The following TRIM24 variants were observed in gnomAD, a reference collection of about 807,000 sequenced individuals.
TRIM24 encodes tripartite motif containing 24, also known as transcription intermediary factor 1-alpha.
In TRIM24, 29 loss-of-function variants were observed where a neutral mutation model predicts 123.9. That is an observed-to-expected ratio of 0.23 (90% CI 0.17 to 0.32). TRIM24 has a LOEUF of 0.32. Among genes scored for constraint, TRIM24 ranks in the 10% least tolerant of loss-of-function variants. TRIM24 has a pLI of 1.00. For synonymous variants in TRIM24, 456 were observed against 461.1 expected, an observed-to-expected ratio of 0.99 and a Z score of 0.14; for missense variants, 932 against 1,295.3, an observed-to-expected ratio of 0.72 and a Z score of 4.31.
rs1798017282 is a variant in TRIM24 at position 138,586,228 on chromosome 7, A to G, written c.*1277A>G. On this transcript the variant is annotated 3_prime_UTR_variant, in exon 19 of 19. Coordinates refer to ENST00000343526, the MANE Select transcript of TRIM24 (RefSeq NM_015905.3). ...AAATTGCTGTGCCATACATTAATCCAGCATTTGACACAATATCTAAATGGT... is the reference window on the plus strand; with the variant it reads ...AAATTGCTGTGCCATACATTAATCCGGCATTTGACACAATATCTAAATGGT... 1 of 192,632 alleles carries G rather than the reference A, an allele frequency of 5.2e-6. No individual in the cohort carries two copies. The highest frequency in any genetic ancestry group is 1.1e-5 in the Non-Finnish European group (1 of 92,016). 11.9% of individuals were successfully genotyped at this position (192,632 alleles called of 1,614,324 possible).
At chr7:138,533,499 T>G (rs193273500) in intron 6 of TRIM24, among the ~76,000 whole-genome samples, 533 of 152,338 alleles carry the variant, frequency 3.5e-3, no homozygotes, top group African/African-American at 0.012. Context: ...TTGGTTCTGT[T>G]TATATGCTGG....
intron 1 of TRIM24, among the ~76,000 whole-genome samples, chr7:138,496,915 G>C (rs1304323752): frequency 6.6e-6 from 1 of 152,002 alleles, no homozygotes; most frequent in Non-Finnish European, 1.5e-5. Context: ...TGTATTTCAG[G>C]AATAAACCCT....
intron 1 of TRIM24, among the ~76,000 whole-genome samples, chr7:138,469,976 C>G (rs933973155): frequency 1.3e-5 from 2 of 152,036 alleles, no homozygotes; most frequent in African/African-American, 4.8e-5. Context: ...AATGTGGACC[C>G]CCATTTGCCT....
At chr7:138,474,751 C>T (rs1006924099) in intron 1 of TRIM24, among the ~76,000 whole-genome samples, 2 of 152,220 alleles carry the variant, frequency 1.3e-5, no homozygotes, top group South Asian at 4.2e-4. Flanking sequence ...ATCAGTTGTC[C>T]GTGCATGTCT....
chr7:138,528,866 T>C, intron 5 of TRIM24, among the ~76,000 whole-genome samples: 1 of 147,534 alleles, frequency 6.8e-6, no homozygotes, highest in Non-Finnish European at 1.5e-5. Context: ...TCTTAAAATG[T>C]ACTCATTCTC....
rs1255460511 is a variant in TRIM24 at position 138,585,724 on chromosome 7, T to C, written c.*773T>C. 6.3e-6 allele frequency: 3 copies of C among 479,570 alleles called. No individual in the cohort carries two copies. The Admixed American group carries it at 7.7e-5, about 12-fold the overall frequency. The allele number at this position is 479,570 out of a possible 1,614,324, so 29.7% of individuals were successfully genotyped here. A position where few individuals can be genotyped will look rare whatever the true frequency, so the allele number is the denominator to read the frequency against. ...CTGAGGGAAGTATATACATTTGGGT[T>C]TGCTGTGTGTCTATGTGAGGTTTAA... On this transcript the variant is annotated 3_prime_UTR_variant, in exon 19 of 19. Transcript: ENST00000343526.
chr7:138,473,723 A>G (rs1026482216), intron 1 of TRIM24, among the ~76,000 whole-genome samples: 3 of 152,202 alleles, frequency 2.0e-5, no homozygotes, highest in South Asian at 2.1e-4. Context: ...CCATTTATCT[A>G]TCATGGACTT....
intron 12 of TRIM24, 99 bp from the exon 13 acceptor site, chr7:138,576,274 G>T: frequency 2.7e-6 from 3 of 1,109,456 alleles, no homozygotes; most frequent in South Asian, 1.4e-5. Flanking sequence ...TTTCATCATG[G>T]TTCCCAGTTT....
At chr7:138,488,653 C>T (rs773298433) in intron 1 of TRIM24, among the ~76,000 whole-genome samples, 6 of 152,164 alleles carry the variant, frequency 3.9e-5, no homozygotes, top group Middle Eastern at 3.4e-3. Context: ...TGTAGTTGTG[C>T]GGTTTTAAGT....
intron 8 of TRIM24, 77 bp downstream of exon 8, chr7:138,551,257 A>G: frequency 7.7e-7 from 1 of 1,303,174 alleles, no homozygotes; most frequent in South Asian, 1.2e-5. Flanking sequence ...GTTACTGAAA[A>G]TATGTTCACT....
intron 6 of TRIM24, among the ~76,000 whole-genome samples, chr7:138,537,379 G>GGTT (rs1796905971): frequency 3.5e-5 from 2 of 56,640 alleles, no homozygotes; most frequent in East Asian, 7.2e-4. Context: ...ACCCCTGTTT[G>GGTT]TTTTTTTTTT....
In TRIM24 at chr7:138,463,772, G is replaced by T. The variant is rs183861695; in HGVS notation, c.364+2860G>T. Among the ~76,000 whole-genome samples the T allele has an allele frequency of 2.0e-5, 3 of 151,984 alleles. No homozygotes were observed. In the South Asian group the frequency reaches 6.2e-4, roughly 32 times the overall value. The stretch of plus-strand genomic sequence containing the variant: ...TTTTTATCTTTATGCTGTATTGTAC[G>T]CAAGAGTTCAAAGAAAGCGTTTAAA... On this transcript the variant is annotated intron_variant, in intron 1 of 18. Coordinates refer to ENST00000343526, the MANE Select transcript of TRIM24 (RefSeq NM_015905.3).
intron 2 of TRIM24, among the ~76,000 whole-genome samples, chr7:138,509,587 C>G (rs1442577849): frequency 1.3e-5 from 2 of 148,964 alleles, no homozygotes; most frequent in Non-Finnish European, 3.0e-5. Context: ...GCATGTAATC[C>G]CAGCTACTTG....
intron 3 of TRIM24, among the ~76,000 whole-genome samples, chr7:138,518,553 G>A (rs990930194): frequency 2.0e-5 from 3 of 152,116 alleles, no homozygotes; most frequent in African/African-American, 7.2e-5. Context: ...TTATTTCTGT[G>A]TTAATGGGTA....
At position 138,588,333 on chromosome 7, in the gene TRIM24, A is replaced by C. The variant is rs1798052082; in HGVS notation, c.*3382A>C. The C allele has an allele frequency of 6.6e-6, 1 of 152,226 alleles. No individual in the cohort carries two copies. Among genetic ancestry groups the C allele is most frequent in the Admixed American group, 6.5e-5 (1 of 15,278 alleles). 9.4% of individuals were successfully genotyped at this position (152,226 alleles called of 1,614,324 possible). A position where few individuals can be genotyped will look rare whatever the true frequency, so the allele number is the denominator to read the frequency against. ...ATATGAACAACAGGTTTTAGGTTTA[A>C]ATTGAAGATACATTCATTTTATATG... On this transcript the variant is annotated 3_prime_UTR_variant, in exon 19 of 19. Coordinates refer to ENST00000343526, the MANE Select transcript of TRIM24 (RefSeq NM_015905.3).
chr7:138,576,390 A>G lies in TRIM24; in HGVS notation c.2032A>G (p.Ser678Gly). 1 of 1,613,682 alleles carries G rather than the reference A, an allele frequency of 6.2e-7. No individual in the cohort carries two copies. The highest frequency in any genetic ancestry group is 8.5e-7 in the Non-Finnish European group (1 of 1,179,658). The change falls in exon 13 of 19, where the codon AGT (serine) becomes GGT (glycine). Residue 678 changes from serine (S) to glycine (G), a missense_variant. By Grantham distance (56) the Ser-to-Gly change is moderately conservative. Coordinates refer to ENST00000343526, the MANE Select transcript of TRIM24 (RefSeq NM_015905.3). Reference sequence around the variant, plus strand: ...CTCCTCAGGACCTGTTACTATGACTAGTGTACACCCCCCAATACGTTCACC... The same window carrying G: ...CTCCTCAGGACCTGTTACTATGACTGGTGTACACCCCCCAATACGTTCACC... ...PGLAGPVTMT[S>G]VHPPIRSPSA...
At chr7:138,490,841 T>C in intron 1 of TRIM24, 2 of 463,128 alleles carry the variant, frequency 4.3e-6, no homozygotes, top group Non-Finnish European at 8.4e-6. Context: ...CATTTGTCTG[T>C]ACCTGTCAGG....
chr7:138,491,459 C>T (rs1451395511), intron 1 of TRIM24: 1 of 154,040 alleles, frequency 6.5e-6, no homozygotes, highest in Non-Finnish European at 1.4e-5. Flanking sequence ...TCTGGTCTGA[C>T]TTATTTCCTT....
intron 1 of TRIM24, among the ~76,000 whole-genome samples, chr7:138,461,748 G>T (rs984942729): frequency 1.3e-5 from 2 of 152,022 alleles, no homozygotes; most frequent in African/African-American, 4.8e-5. Context: ...AACACTTGGC[G>T]GTTTTTAAAT....
Sources: gnomAD v4.1 joint callset for allele counts (sites outside exome capture counted in the v4.1 genomes callset) on GRCh38, gnomAD v4.1.1 for gene constraint, MANE v1.5 for transcripts, NCBI Gene and HGNC (gene_info 2026-07-23, HGNC 2026-07-21) for gene names.